The following THADA variants were observed in gnomAD, a reference collection of about 807,000 sequenced individuals.
THADA encodes THADA armadillo repeat containing.
A neutral mutation model predicts 219.8 loss-of-function variants in THADA; 213 were observed. The ratio of observed to expected loss-of-function variants is 0.97; its 90% CI spans 0.87 to 1.09. THADA has a LOEUF of 1.09. Among genes scored for constraint, THADA ranks in the 50% least tolerant of loss-of-function variants. The pLI, the probability that THADA is intolerant of heterozygous loss-of-function variation, is 0.00. For synonymous variants in THADA, 1,018 were observed against 828.9 expected (o/e 1.23, Z -3.92); for missense variants, 2,956 against 2,311.3 (o/e 1.28, Z -5.72).
rs748798993 is a variant in THADA, at chr2:43,231,029, T to A, written c.5781A>T (p.Glu1927Asp). ...CCCAAACACTGAGAACTAGGGTGTC[T>A]TCCCCTTCCTTTCCTTCCAAAAAGG... ...LLAFLEGKEG[E>D]DTLVLSVWDS... Residue 1927 changes from glutamate to aspartate, a missense_variant, in exon 38 of 38, where the codon GAA becomes GAT. Physicochemically the swap from Glu to Asp is conservative, Grantham distance 45. Transcript: ENST00000405975. 2.3e-5 allele frequency: 37 copies of A among 1,613,870 alleles called. No individual in the cohort carries two copies. The highest frequency in any genetic ancestry group is 3.1e-5 in the Non-Finnish European group (37 of 1,179,894).
intron 26 of THADA, among the ~76,000 whole-genome samples, chr2:43,443,119 C>G (rs1199520172): frequency 1.3e-5 from 2 of 152,162 alleles, no homozygotes; most frequent in Non-Finnish European, 2.9e-5. Context: ...AGATTATACA[C>G]TCTGCACAAG....
intron 29 of THADA, among the ~76,000 whole-genome samples, chr2:43,393,547 A>C (rs984806779): frequency 6.6e-6 from 1 of 152,118 alleles, no homozygotes; most frequent in African/African-American, 2.4e-5. Context: ...GTCTCTACTA[A>C]AAATACAAAA....
intron 28 of THADA, among the ~76,000 whole-genome samples, chr2:43,426,251 G>A (rs1481493826): frequency 2.0e-5 from 3 of 152,222 alleles, no homozygotes; most frequent in South Asian, 2.1e-4. Flanking sequence ...GTACTTTCAG[G>A]TACCACTGAA....
At position 43,556,369 on chromosome 2, in the gene THADA, C is replaced by T. The variant is rs764099829; in HGVS notation, c.2650G>A (p.Val884Met). The T allele has an allele frequency of 1.9e-6, 3 of 1,613,892 alleles. No individual in the cohort carries two copies. Among genetic ancestry groups the T allele is most frequent in the Non-Finnish European group, 2.5e-6 (3 of 1,179,812 alleles). Reference sequence around the variant, plus strand: ...CCCATTAATGTGTTCCTTTCCACCACAGCAGCAGGCCTATCTCCATTATCA... The same window carrying T: ...CCCATTAATGTGTTCCTTTCCACCATAGCAGCAGGCCTATCTCCATTATCA... ...ACDNGDRPAA[V>M]VERNTLMVIK... Residue 884 changes from valine to methionine, a missense_variant, in exon 17 of 38, where the codon GTG (valine) becomes ATG (methionine). Transcript: ENST00000405975.
At chr2:43,331,947 A>ACACACACACACACACACACACACAC (rs35766860) in intron 30 of THADA, among the ~76,000 whole-genome samples, 1 of 151,846 alleles carries the variant, frequency 6.6e-6, no homozygotes. Flanking sequence ...ACACACACAC[A>ACACACACACACACACACACACACAC]TTAGGTTCCC....
intron 34 of THADA, among the ~76,000 whole-genome samples, chr2:43,289,758 C>A (rs1002245108): frequency 2.0e-5 from 3 of 151,000 alleles, no homozygotes; most frequent in African/African-American, 7.3e-5. Context: ...TTCAAGCGAT[C>A]CTCCTGCCTC....
chr2:43,464,934 C>T (rs1188815849), intron 26 of THADA, among the ~76,000 whole-genome samples: 1 of 152,050 alleles, frequency 6.6e-6, no homozygotes, highest in Non-Finnish European at 1.5e-5. Context: ...AAATATGCAA[C>T]TGTTGGCATG....
At chr2:43,526,833 C>G (rs565938706) in intron 22 of THADA, among the ~76,000 whole-genome samples, 1 of 152,258 alleles carries the variant, frequency 6.6e-6, no homozygotes, top group Admixed American at 6.5e-5. Flanking sequence ...ATCATCCAAA[C>G]CAAGCACAGT....
chr2:43,588,626 C>T (rs1194026574), intron 4 of THADA, among the ~76,000 whole-genome samples: 1 of 152,044 alleles, frequency 6.6e-6, no homozygotes, highest in African/African-American at 2.4e-5. Flanking sequence ...ATCTGGGATA[C>T]ACAAATTATA....
chr2:43,347,547 T>C (rs1023476715), intron 29 of THADA, among the ~76,000 whole-genome samples: 6 of 152,210 alleles, frequency 3.9e-5, no homozygotes, highest in Non-Finnish European at 1.5e-5. Flanking sequence ...TCTTAAACTA[T>C]GGACTTTAGT....
intron 36 of THADA, among the ~76,000 whole-genome samples, chr2:43,245,545 T>C (rs1187581093): frequency 6.6e-6 from 1 of 152,214 alleles, no homozygotes; most frequent in East Asian, 1.9e-4. Flanking sequence ...TTCTGAGTTC[T>C]TTGTGAAGCT....
intron 29 of THADA, among the ~76,000 whole-genome samples, chr2:43,355,323 GTGATTGTACTAA>G (rs1259303311): frequency 6.6e-6 from 1 of 152,146 alleles, no homozygotes; most frequent in Non-Finnish European, 1.5e-5. Flanking sequence ...GTTCTCCACA[GTGATTGTACTAA>G]TTTACATTCC....
At chr2:43,540,571 AG>A (rs1358617791) in intron 21 of THADA, among the ~76,000 whole-genome samples, 1 of 152,224 alleles carries the variant, frequency 6.6e-6, no homozygotes, top group Non-Finnish European at 1.5e-5. Flanking sequence ...GGAAAGGAAG[AG>A]GGAATCAATT....
chr2:43,473,708 A>G (rs745827396), intron 26 of THADA, among the ~76,000 whole-genome samples: 2 of 151,932 alleles, frequency 1.3e-5, no homozygotes, highest in African/African-American at 2.4e-5. Context: ...TCCTGGGCTC[A>G]AGCGATTCTC....
At chr2:43,313,017 C>T (rs1036992982) in intron 31 of THADA, among the ~76,000 whole-genome samples, 1 of 152,138 alleles carries the variant, frequency 6.6e-6, no homozygotes, top group Admixed American at 6.5e-5. Context: ...TGTTTTCATT[C>T]TCTGTAACTG....
chr2:43,319,238 C>T (rs535177702), intron 31 of THADA, among the ~76,000 whole-genome samples: 2 of 152,288 alleles, frequency 1.3e-5, no homozygotes, highest in Non-Finnish European at 2.9e-5. Context: ...CTTACAGCCA[C>T]GGTGACCAGT....
At chr2:43,403,163 G>T (rs1176366211) in intron 28 of THADA, among the ~76,000 whole-genome samples, 1 of 152,166 alleles carries the variant, frequency 6.6e-6, no homozygotes, top group African/African-American at 2.4e-5. Context: ...TTTAATTAGG[G>T]TCTGTCTACC....
chr2:43,441,857 T>A (rs1680880519), intron 26 of THADA, among the ~76,000 whole-genome samples: 1 of 152,188 alleles, frequency 6.6e-6, no homozygotes, highest in Non-Finnish European at 1.5e-5. Context: ...TAATCAAAAC[T>A]GTAATGTGAT....
chr2:43,510,301 T>C lies in THADA; in HGVS notation c.3375-1521A>G, dbSNP rs114149992. On this transcript the variant is annotated intron_variant, in intron 22 of 37. Coordinates refer to ENST00000405975, the MANE Select transcript of THADA (RefSeq NM_022065.5). ...AGTTGTGACTCAACTTTGATCACTA[T>C]TGAATTTGGATGATGGGTAAAGGTC... Among the ~76,000 whole-genome samples, 1,231 of 152,316 alleles carry C rather than the reference T, an allele frequency of 8.1e-3. 11 individuals are homozygous for C. The highest frequency in any genetic ancestry group is 0.013 in the Non-Finnish European group (903 of 68,022).
Sources: allele counts gnomAD v4.1 joint callset (sites outside exome capture counted in the v4.1 genomes callset), GRCh38; gene constraint gnomAD v4.1.1; transcripts MANE v1.5; gene names NCBI Gene and HGNC (gene_info 2026-07-23, HGNC 2026-07-21).